The following ALMS1 variants were observed in gnomAD, a reference collection of about 807,000 sequenced individuals.
ALMS1 encodes the protein ALMS1 centrosome and basal body associated protein.
A neutral mutation model predicts 352.2 loss-of-function variants in ALMS1; 271 were observed. The observed-to-expected ratio is 0.77, with a 90% CI of 0.70 to 0.85. ALMS1 has a LOEUF of 0.85. ALMS1 is among the 40% of genes least tolerant of loss of function. The pLI, the probability that ALMS1 is intolerant of heterozygous loss-of-function variation, is 0.00. For synonymous variants in ALMS1, 1,865 were observed against 1,761.2 expected (o/e 1.06, Z -1.48); for missense variants, 5,445 against 4,870.7 (o/e 1.12, Z -3.51).
chr2:73,447,839 G>C, intron 7 of ALMS1, 121 bp from the exon 8 acceptor site: 1 of 1,264,678 alleles, frequency 7.9e-7, no homozygotes, highest in South Asian at 1.9e-5. Flanking sequence ...TCCTTTGATG[G>C]CTGTTTCCTT....
At chr2:73,461,494 C>T (rs143878091) in intron 9 of ALMS1, among the ~76,000 whole-genome samples, 1,575 of 152,274 alleles carry the variant, frequency 0.01, 22 homozygotes, top group African/African-American at 0.036. Context: ...GATAAAACCA[C>T]AAAGATGCAG....
intron 9 of ALMS1, among the ~76,000 whole-genome samples, chr2:73,480,525 G>T (rs867761466): frequency 2.0e-5 from 3 of 151,940 alleles, no homozygotes; most frequent in Non-Finnish European, 4.4e-5. Context: ...GAATAATGCC[G>T]CAATAAACAT....
intron 9 of ALMS1, among the ~76,000 whole-genome samples, chr2:73,465,369 C>T (rs1202322249): frequency 1.3e-5 from 2 of 151,938 alleles, no homozygotes; most frequent in South Asian, 4.2e-4. Flanking sequence ...ACAAACCTGA[C>T]AAAAACAAGA....
intron 12 of ALMS1, among the ~76,000 whole-genome samples, chr2:73,546,564 A>G (rs11689588): frequency 0.26 from 39,827 of 152,158 alleles, 5,753 homozygotes; most frequent in African/African-American, 0.38. Flanking sequence ...GTACGTAATT[A>G]CAAGTGATAA....
chr2:73,515,099 G>A (rs1279076766), intron 10 of ALMS1, among the ~76,000 whole-genome samples: 1 of 152,118 alleles, frequency 6.6e-6, no homozygotes, highest in Non-Finnish European at 1.5e-5. Flanking sequence ...TGTGCCCCGT[G>A]AGTCTCTTAT....
chr2:73,602,090 A>G (rs564302489), intron 19 of ALMS1, 95 bp from the exon 20 acceptor site: 2 of 1,312,444 alleles, frequency 1.5e-6, no homozygotes, highest in African/African-American at 1.5e-5. Flanking sequence ...GACTTCCCCA[A>G]ACCTCTTGGG....
At chr2:73,547,384 T>C (rs1674344708) in intron 12 of ALMS1, among the ~76,000 whole-genome samples, 1 of 152,232 alleles carries the variant, frequency 6.6e-6, no homozygotes, top group East Asian at 1.9e-4. Flanking sequence ...TTACGCCAGC[T>C]CAGGGTGACT....
In ALMS1 at chr2:73,432,257, C is replaced by T; in HGVS notation, c.1398C>T (p.Asp466=). ...TCAGAATGTTGAGGATGTCTCCTGA[C>T]ACTGTGCCAAAGGCTCCTAAACATT... ...SDLRMLRMSP[D]TVPKAPKHLK... Residue 466 remains aspartate, a synonymous_variant, in exon 7 of 23, where the codon GAC becomes GAT. Coordinates refer to ENST00000613296, the MANE Select transcript of ALMS1 (RefSeq NM_001378454.1). 1.2e-6 allele frequency: 2 copies of T among 1,613,370 alleles called. No individual in the cohort carries two copies. Among genetic ancestry groups the T allele is most frequent in the Non-Finnish European group, 1.7e-6 (2 of 1,179,464 alleles).
chr2:73,460,395 G>A (rs1221167440), intron 9 of ALMS1, among the ~76,000 whole-genome samples: 1 of 152,150 alleles, frequency 6.6e-6, no homozygotes, highest in Non-Finnish European at 1.5e-5. Context: ...TTTTAAGAAT[G>A]TGGTAATATA....
At chr2:73,402,626 A>G (rs909926028) in intron 1 of ALMS1, among the ~76,000 whole-genome samples, 4 of 152,150 alleles carry the variant, frequency 2.6e-5, no homozygotes, top group African/African-American at 7.2e-5. Flanking sequence ...ACTGGTTTAC[A>G]TTGCCACCAG....
intron 16 of ALMS1, among the ~76,000 whole-genome samples, chr2:73,574,500 T>C (rs1675011224): frequency 6.6e-6 from 1 of 152,170 alleles, no homozygotes; most frequent in South Asian, 2.1e-4. Context: ...CAACTTGTGC[T>C]AAAAAAATTT....
chr2:73,515,450 T>TA (rs1159288646), intron 10 of ALMS1, among the ~76,000 whole-genome samples: 1 of 152,108 alleles, frequency 6.6e-6, no homozygotes, highest in African/African-American at 2.4e-5. Context: ...CTTCATATGT[T>TA]ACATAATGTT....
chr2:73,517,092 A>G (rs1467649834), intron 10 of ALMS1, among the ~76,000 whole-genome samples: 1 of 151,848 alleles, frequency 6.6e-6, no homozygotes, highest in Admixed American at 6.6e-5. Flanking sequence ...TTCTTTTCTC[A>G]TAATTGTCCT....
At chr2:73,415,470 A>G (rs927210749) in intron 2 of ALMS1, among the ~76,000 whole-genome samples, 7 of 152,080 alleles carry the variant, frequency 4.6e-5, no homozygotes, top group Non-Finnish European at 8.8e-5. Flanking sequence ...ACTTTTTTTT[A>G]TTTTCAAGTC....
intron 2 of ALMS1, among the ~76,000 whole-genome samples, chr2:73,413,560 C>A (rs571933314): frequency 6.6e-6 from 1 of 152,220 alleles, no homozygotes; most frequent in South Asian, 2.1e-4. Context: ...TAATAGTCCC[C>A]CAATTTGTAA....
chr2:73,543,701 G>A (rs1002444425), intron 12 of ALMS1, among the ~76,000 whole-genome samples: 5 of 152,158 alleles, frequency 3.3e-5, no homozygotes, highest in African/African-American at 9.7e-5. Context: ...CAACAAGTGG[G>A]CGAAGGATAT....
chr2:73,574,014 G>A (rs527532939), intron 16 of ALMS1, among the ~76,000 whole-genome samples: 3 of 152,304 alleles, frequency 2.0e-5, no homozygotes, highest in African/African-American at 7.2e-5. Context: ...GTGGTCGCTA[G>A]AAAAGAGCTA....
In ALMS1 at chr2:73,519,907, T is replaced by C. The variant is rs776177155; in HGVS notation, c.9672T>C (p.Asp3224=). ...FSSEIFINAE[D]RGHEIIEPGN... The stretch of plus-strand genomic sequence containing the variant: ...CTGAGATTTTTATTAATGCTGAAGA[T>C]CGTGGACATGAAATTATAGAGCCTG... Residue 3224 remains aspartate, a synonymous_variant, in exon 11 of 23, where the codon GAT becomes GAC. Transcript: ENST00000613296. The C allele has an allele frequency of 1.9e-6, 3 of 1,614,012 alleles. No individual in the cohort carries two copies. Among genetic ancestry groups the C allele is most frequent in the South Asian group, 2.2e-5 (2 of 91,082 alleles).
rs746168704 is a variant in ALMS1 at position 73,489,798 on chromosome 2, C to G, written c.7839C>G (p.Thr2613=). 6.2e-7 allele frequency: 1 copy of G among 1,614,104 alleles called. No individual in the cohort carries two copies. The highest frequency in any genetic ancestry group is 1.1e-5 in the South Asian group (1 of 91,084). The change falls in exon 10 of 23, where the codon ACC becomes ACG. Residue 2613 remains threonine (T), a synonymous_variant. Transcript: ENST00000613296. ...AFRSAGPSEM[T]RGRQNPSSCR... ...GATCTGCTGGACCCTCAGAAATGAC[C>G]AGAGGACGGCAGAACCCATCATCAT...
Sources: gnomAD v4.1 joint callset for allele counts (sites outside exome capture counted in the v4.1 genomes callset) on GRCh38, gnomAD v4.1.1 for gene constraint, MANE v1.5 for transcripts, NCBI Gene and HGNC (gene_info 2026-07-23, HGNC 2026-07-21) for gene names.